SMYD5: variants seen among roughly 807,000 people sequenced by gnomAD.
SMYD5 encodes SMYD family member 5.
In SMYD5, 35 loss-of-function variants were observed where a neutral mutation model predicts 57.4. That is an observed-to-expected ratio of 0.61 (90% CI 0.47 to 0.81). The LOEUF is 0.81. Among genes scored for constraint, SMYD5 ranks in the 30% least tolerant of loss-of-function variants. The pLI is 0.00. For missense variants in SMYD5, 471 were observed against 527.9 expected, an observed-to-expected ratio of 0.89 and a Z score of 1.06; for synonymous variants, 198 against 189.7, an observed-to-expected ratio of 1.04 and a Z score of -0.36.
rs1042675219 is a variant in SMYD5 at position 73,225,395 on chromosome 2, C to A, written c.1036-236C>A. ...CTTGGCCATTGACTGGCTTTCACCACGGCCTGAGGCCAACCAGTCTCCTCT... is the reference window on the plus strand; with the variant it reads ...CTTGGCCATTGACTGGCTTTCACCAAGGCCTGAGGCCAACCAGTCTCCTCT... On this transcript the variant is annotated intron_variant, in intron 11 of 12. Coordinates refer to ENST00000389501, the MANE Select transcript of SMYD5 (RefSeq NM_006062.3). 118 of 593,470 alleles carry A rather than the reference C, an allele frequency of 2.0e-4. 1 individual carries two copies. Among genetic ancestry groups the A allele is most frequent in the Non-Finnish European group, 2.1e-5 (7 of 332,914 alleles). 36.8% of individuals were successfully genotyped at this position (593,470 alleles called of 1,614,324 possible). A position where few individuals can be genotyped will look rare whatever the true frequency, so the allele number is the denominator to read the frequency against.
chr2:73,217,571 G>A (rs1255978637), intron 1 of SMYD5, among the ~76,000 whole-genome samples: 1 of 152,166 alleles, frequency 6.6e-6, no homozygotes. Context: ...TATGCCCAGG[G>A]CTTTGCCTCC....
intron 11 of SMYD5, 69 bp from the exon 12 acceptor site, chr2:73,225,562 G>A (rs1686483904): frequency 4.3e-6 from 6 of 1,394,202 alleles, no homozygotes; most frequent in South Asian, 1.2e-5. Context: ...AGATAGGGTA[G>A]CTGTTGGGGA....
chr2:73,221,960 C>T (rs1686406061), intron 6 of SMYD5, 30 bp downstream of exon 6: 1 of 1,349,626 alleles, frequency 7.4e-7, no homozygotes, highest in South Asian at 1.2e-5. Context: ...CTGTCTCCTT[C>T]CCTCCCCAAA....
chr2:73,216,116 A>G (rs938726440), intron 1 of SMYD5, among the ~76,000 whole-genome samples: 1 of 152,212 alleles, frequency 6.6e-6, no homozygotes, highest in Non-Finnish European at 1.5e-5. Context: ...AAATTTATCA[A>G]CTATTATGCC....
At chr2:73,220,223 G>A (rs1686358229) in intron 3 of SMYD5, 33 bp downstream of exon 3, 1 of 1,609,944 alleles carries the variant, frequency 6.2e-7, no homozygotes, top group Non-Finnish European at 8.5e-7. Context: ...CCTGGAAGGG[G>A]GTGGGTGAGG....
At chr2:73,214,547 T>C in intron 1 of SMYD5, 185 bp downstream of exon 1, 5 of 1,482,082 alleles carry the variant, frequency 3.4e-6, no homozygotes, top group Non-Finnish European at 4.5e-6. Context: ...GGTCACGCGA[T>C]AGACCCGGGC....
chr2:73,214,387 G>C, intron 1 of SMYD5, 25 bp downstream of exon 1: 1 of 1,612,800 alleles, frequency 6.2e-7, no homozygotes, highest in Non-Finnish European at 8.5e-7. Context: ...GGTCCTGCCG[G>C]GAGCCTCTCC....
chr2:73,222,946 T>A, intron 7 of SMYD5, 90 bp from the exon 8 acceptor site: 1 of 1,489,272 alleles, frequency 6.7e-7, no homozygotes, highest in Non-Finnish European at 9.4e-7. Context: ...CAGATGAGCC[T>A]GACTCACAGA....
chr2:73,220,909 A>G, intron 4 of SMYD5, 127 bp downstream of exon 4: 1 of 1,098,990 alleles, frequency 9.1e-7, no homozygotes, highest in Non-Finnish European at 1.3e-6. Flanking sequence ...TTAGGGTTAA[A>G]CAGAAGTCAC....
chr2:73,225,986 C>T lies in SMYD5; in HGVS notation c.*40C>T. The T allele has an allele frequency of 6.4e-7, 1 of 1,565,250 alleles. No homozygotes were observed. The highest frequency in any genetic ancestry group is 8.6e-7 in the Non-Finnish European group (1 of 1,156,866). ...GAAAGGGCCCTGCCCTAGACCCTGC[C>T]AGAAAAGGGGGCTCTTCCCCCAGAG... On this transcript the variant is annotated 3_prime_UTR_variant, in exon 13 of 13. Transcript: ENST00000389501.
In SMYD5 at chr2:73,226,056, C is replaced by T. The variant is rs1210984412; in HGVS notation, c.*110C>T. 1.4e-6 allele frequency: 2 copies of T among 1,394,862 alleles called. No homozygotes were observed. The highest frequency in any genetic ancestry group is 1.9e-6 in the Non-Finnish European group (2 of 1,044,744). 86.4% of individuals were successfully genotyped at this position (1,394,862 alleles called of 1,614,324 possible). A position where few individuals can be genotyped will look rare whatever the true frequency, so the allele number is the denominator to read the frequency against. On this transcript the variant is annotated 3_prime_UTR_variant, in exon 13 of 13. Transcript: ENST00000389501. ...TCCCACTCCCATTGCCTGCTTTCCC[C>T]ATTCCAGCCCTCTCTGCTAGAGGGT...
chr2:73,215,776 G>C (rs1190950668), intron 1 of SMYD5, among the ~76,000 whole-genome samples: 2 of 152,122 alleles, frequency 1.3e-5, no homozygotes, highest in African/African-American at 4.8e-5. Context: ...GCCTACATCT[G>C]ATCTGCTGCT....
intron 1 of SMYD5, chr2:73,214,621 G>A: frequency 3.3e-6 from 5 of 1,509,188 alleles, no homozygotes; most frequent in Non-Finnish European, 4.5e-6. Flanking sequence ...AGGCCCTTCT[G>A]TGGCTGCTCG....
intron 1 of SMYD5, 107 bp downstream of exon 1, chr2:73,214,469 G>A (rs2276545): frequency 0.31 from 480,191 of 1,561,310 alleles, 75,814 homozygotes; most frequent in East Asian, 0.37. Flanking sequence ...CCGCTCGGAC[G>A]CTACGGCCCT....
intron 2 of SMYD5, among the ~76,000 whole-genome samples, chr2:73,219,305 A>C (rs1432881213): frequency 6.6e-6 from 1 of 152,100 alleles, no homozygotes; most frequent in Non-Finnish European, 1.5e-5. Flanking sequence ...TGTTCAAAGA[A>C]GGCTGAGTTA....
intron 9 of SMYD5, among the ~76,000 whole-genome samples, 183 bp from the exon 10 acceptor site, chr2:73,223,764 T>C (rs1686450180): frequency 1.3e-5 from 2 of 152,028 alleles, no homozygotes; most frequent in African/African-American, 4.8e-5. Context: ...ATAGGATGTC[T>C]TGTAGACAGA....
chr2:73,222,004 C>A (rs1686406774), intron 6 of SMYD5, 74 bp downstream of exon 6: 2 of 943,680 alleles, frequency 2.1e-6, no homozygotes, highest in African/African-American at 1.6e-5. Context: ...CTGTGGGGAG[C>A]ACCACATTTG....
intron 11 of SMYD5, chr2:73,225,216 C>G (rs1433599206): frequency 2.0e-6 from 1 of 495,804 alleles, no homozygotes; most frequent in Non-Finnish European, 3.6e-6. Context: ...CCCCAGCTAT[C>G]TTTTGGTCAA....
chr2:73,221,082 C>A, intron 4 of SMYD5, 83 bp from the exon 5 acceptor site: 1 of 1,260,024 alleles, frequency 7.9e-7, no homozygotes. Flanking sequence ...AGGAAGTTTT[C>A]TCTGTACCAG....
Sources: allele counts gnomAD v4.1 joint callset (sites outside exome capture counted in the v4.1 genomes callset), GRCh38; gene constraint gnomAD v4.1.1; transcripts MANE v1.5; gene names NCBI Gene and HGNC (gene_info 2026-07-23, HGNC 2026-07-21).